The following PLCL2 variants were observed in gnomAD, a reference collection of about 807,000 sequenced individuals.
The protein encoded by PLCL2 is phospholipase C like 2.
Under a neutral mutation model 79.6 loss-of-function variants are expected in PLCL2, and 4 were observed. The observed-to-expected ratio is 0.05, with a 90% confidence interval of 0.02 to 0.11. The LOEUF is 0.11. Ranked by LOEUF, PLCL2 falls within the 10% of genes least tolerant of loss-of-function variation. PLCL2 has a pLI of 1.00. For synonymous variants in PLCL2, 484 were observed against 457.7 expected (o/e 1.06, Z -0.73); for missense variants, 895 against 1,291.0 (o/e 0.69, Z 4.70).
chr3:17,025,146 A>G (rs1015875204), intron 3 of PLCL2, among the ~76,000 whole-genome samples: 1 of 152,188 alleles, frequency 6.6e-6, no homozygotes, highest in Non-Finnish European at 1.5e-5. Context: ...AAGATGGAAC[A>G]TATTCAGGTT....
intron 5 of PLCL2, among the ~76,000 whole-genome samples, chr3:17,075,836 A>G (rs1331913100): frequency 2.0e-5 from 3 of 152,232 alleles, no homozygotes; most frequent in African/African-American, 7.2e-5. Context: ...ATACAAGTTA[A>G]TGTAGGTTTC....
At position 16,929,554 on chromosome 3, in the gene PLCL2, C is replaced by T. The variant is rs147089100; in HGVS notation, c.327+44188C>T. ...TTATTGAACAGCAGCCATTGGCTCT[C>T]TTCCTGATTTCTCTGTGCACAGATA... On this transcript the variant is annotated intron_variant, in intron 1 of 5. Transcript: ENST00000615277. Among the ~76,000 whole-genome samples the T allele has an allele frequency of 4.1e-3, 630 of 152,316 alleles. 3 individuals carry two copies. Among genetic ancestry groups the T allele is most frequent in the Non-Finnish European group, 7.0e-3 (477 of 68,030 alleles).
intron 4 of PLCL2, among the ~76,000 whole-genome samples, chr3:17,062,273 A>G (rs1308353599): frequency 1.3e-5 from 2 of 152,240 alleles, no homozygotes; most frequent in Non-Finnish European, 2.9e-5. Context: ...TATTGGATTC[A>G]TGTAATATGC....
intron 5 of PLCL2, among the ~76,000 whole-genome samples, chr3:17,078,464 T>C (rs946148882): frequency 6.6e-6 from 1 of 152,052 alleles, no homozygotes. Context: ...GCTTTTTTTT[T>C]TTATAGCATC....
chr3:17,002,203 T>C (rs1036642343), intron 1 of PLCL2, among the ~76,000 whole-genome samples: 3 of 152,126 alleles, frequency 2.0e-5, no homozygotes, highest in African/African-American at 7.2e-5. Context: ...TTAGTAAAGA[T>C]ACTAATTTTT....
chr3:17,044,591 C>T (rs919687404), intron 4 of PLCL2, among the ~76,000 whole-genome samples: 4 of 152,164 alleles, frequency 2.6e-5, no homozygotes, highest in Non-Finnish European at 4.4e-5. Flanking sequence ...TATCAAGCTG[C>T]TCTCTGTATC....
At chr3:17,029,033 G>T (rs539290372) in intron 3 of PLCL2, among the ~76,000 whole-genome samples, 3 of 152,256 alleles carry the variant, frequency 2.0e-5, no homozygotes, top group African/African-American at 7.2e-5. Context: ...CCTCGGGGAA[G>T]GGGGCGCAGA....
chr3:16,902,881 T>TGCGC (rs1272936432), intron 1 of PLCL2, among the ~76,000 whole-genome samples: 99 of 133,914 alleles, frequency 7.4e-4, no homozygotes, highest in African/African-American at 2.6e-3. Flanking sequence ...TGTGTGTGTG[T>TGCGC]GNGCGCATGT....
chr3:17,023,023 G>T (rs1280706848), intron 3 of PLCL2, among the ~76,000 whole-genome samples: 1 of 152,160 alleles, frequency 6.6e-6, no homozygotes, highest in Non-Finnish European at 1.5e-5. Flanking sequence ...CTTGGAGAGG[G>T]TGTGGTTGCA....
intron 3 of PLCL2, among the ~76,000 whole-genome samples, chr3:17,021,804 A>T (rs1355946848): frequency 1.3e-5 from 2 of 152,202 alleles, no homozygotes; most frequent in Non-Finnish European, 2.9e-5. Context: ...ACATGTTGTC[A>T]GATGATGTCC....
intron 1 of PLCL2, among the ~76,000 whole-genome samples, chr3:16,940,808 G>A (rs1697661857): frequency 6.6e-6 from 1 of 152,170 alleles, no homozygotes; most frequent in African/African-American, 2.4e-5. Flanking sequence ...AAGATCAAAT[G>A]TGATGAGTAT....
At chr3:16,992,237 A>C (rs1011609807) in intron 1 of PLCL2, among the ~76,000 whole-genome samples, 4 of 152,206 alleles carry the variant, frequency 2.6e-5, no homozygotes, top group African/African-American at 9.6e-5. Flanking sequence ...TTCAATCATC[A>C]GAAAAACTGA....
At chr3:16,972,504 T>C (rs1288187905) in intron 1 of PLCL2, among the ~76,000 whole-genome samples, 1 of 152,156 alleles carries the variant, frequency 6.6e-6, no homozygotes. Context: ...TCTGTAGATG[T>C]CTGTTAAGTG....
intron 4 of PLCL2, among the ~76,000 whole-genome samples, chr3:17,049,962 A>G (rs62247186): frequency 0.18 from 27,557 of 152,158 alleles, 3,035 homozygotes; most frequent in East Asian, 0.54. Flanking sequence ...TCAAAATCGC[A>G]TGATAATGGT....
chr3:16,989,465 C>T (rs2064082535), intron 1 of PLCL2, among the ~76,000 whole-genome samples: 1 of 152,090 alleles, frequency 6.6e-6, no homozygotes, highest in South Asian at 2.1e-4. Context: ...TGGTGGATTT[C>T]AAAGACTTGA....
At position 17,029,798 on chromosome 3, in the gene PLCL2, C is replaced by T. The variant is rs765279680; in HGVS notation, c.3019-13076C>T. On this transcript the variant is annotated intron_variant, in intron 3 of 5. Transcript: ENST00000615277. ...GGAAGAAAGCCTTGGCTCCCCTTCC[C>T]CTCAACCACACACAGCATCCACCAG... Among the ~76,000 whole-genome samples the T allele has an allele frequency of 8.5e-5, 13 of 152,272 alleles. No homozygotes were observed. The Middle Eastern group carries it at 0.01, about 120-fold the overall frequency.
At chr3:16,915,406 A>G (rs1245416960) in intron 1 of PLCL2, among the ~76,000 whole-genome samples, 1 of 152,204 alleles carries the variant, frequency 6.6e-6, no homozygotes, top group Admixed American at 6.5e-5. Flanking sequence ...CATGAAATAG[A>G]AAAAGCTGGC....
chr3:16,905,374 G>A (rs1355196238), intron 1 of PLCL2, among the ~76,000 whole-genome samples: 1 of 152,156 alleles, frequency 6.6e-6, no homozygotes, highest in Non-Finnish European at 1.5e-5. Context: ...AAGCTGATTG[G>A]CTGTCAAACA....
intron 1 of PLCL2, among the ~76,000 whole-genome samples, chr3:16,956,159 G>A (rs1394129722): frequency 3.9e-5 from 6 of 152,100 alleles, no homozygotes. Context: ...GATATTGGCT[G>A]TGGGTTTGTC....
Sources: allele counts gnomAD v4.1 joint callset (sites outside exome capture counted in the v4.1 genomes callset), GRCh38; gene constraint gnomAD v4.1.1; transcripts MANE v1.5; gene names NCBI Gene and HGNC (gene_info 2026-07-23, HGNC 2026-07-21).